L3MBTL2: variants seen among roughly 807,000 people sequenced by gnomAD.
L3MBTL2 encodes the protein lethal(3)malignant brain tumor-like protein 2.
A neutral mutation model predicts 86.4 loss-of-function variants in L3MBTL2; 49 were observed. The ratio of observed to expected loss-of-function variants is 0.57; its 90% CI spans 0.45 to 0.72. The LOEUF is 0.72. L3MBTL2 is among the 30% of genes least tolerant of loss of function. The pLI, the probability that L3MBTL2 is intolerant of heterozygous loss-of-function variation, is 0.00. For missense variants in L3MBTL2, 755 were observed against 923.7 expected (o/e 0.82, Z 2.37); for synonymous variants, 336 against 350.6 (o/e 0.96, Z 0.47).
At chr22:41,214,192 A>C (rs969639708) in intron 3 of L3MBTL2, 166 bp downstream of exon 3, 8 of 647,972 alleles carry the variant, frequency 1.2e-5, no homozygotes, top group Non-Finnish European at 2.1e-5. Flanking sequence ...CCATTTGTGG[A>C]GCTTTTTAAA....
intron 13 of L3MBTL2, 94 bp from the exon 14 acceptor site, chr22:41,226,994 CT>C: frequency 2.7e-6 from 3 of 1,125,628 alleles, no homozygotes; most frequent in Non-Finnish European, 3.8e-6. Flanking sequence ...GTCCCCGCCC[CT>C]CCCTGCCAGT....
Position 41,224,383 on chromosome 22 carries a change from G to C in L3MBTL2, c.1174+132G>C, listed in dbSNP as rs1601529983. ...GGCCCCCCTGCAGTGATGATACTGA[G>C]CTCCAGAGAGCTTGAGTAACTTGAC... On this transcript the variant is annotated intron_variant, in intron 9 of 16. Transcript: ENST00000216237. This position sits in a 1 kb window ranked among gnomAD's most constrained non-coding sequence, Gnocchi z 4.9. 1 of 649,002 alleles carries C rather than the reference G, an allele frequency of 1.5e-6. No individual in the cohort carries two copies. The highest frequency in any genetic ancestry group is 2.7e-5 in the East Asian group (1 of 36,502). 40.2% of individuals were successfully genotyped at this position (649,002 alleles called of 1,614,324 possible).
chr22:41,226,824 C>G, intron 13 of L3MBTL2, 80 bp downstream of exon 13: 2 of 1,056,998 alleles, frequency 1.9e-6, no homozygotes, highest in Non-Finnish European at 2.9e-6. Flanking sequence ...GGTGGCAGTT[C>G]CTACTCTTTC....
At chr22:41,215,904 G>A (rs1796019808) in intron 3 of L3MBTL2, among the ~76,000 whole-genome samples, 1 of 152,204 alleles carries the variant, frequency 6.6e-6, no homozygotes, top group Non-Finnish European at 1.5e-5. Flanking sequence ...GATAGAACAT[G>A]GGTCTCTCCC....
intron 16 of L3MBTL2, 63 bp from the exon 17 acceptor site, chr22:41,230,076 T>TCCC: frequency 3.3e-5 from 30 of 912,372 alleles, no homozygotes; most frequent in Middle Eastern, 2.7e-4. Context: ...TCCCAGCTCC[T>TCCC]CCGCCCCCAC....
intron 1 of L3MBTL2, 56 bp from the exon 2 acceptor site, chr22:41,209,640 C>A (rs912914675): frequency 1.3e-6 from 2 of 1,502,710 alleles, no homozygotes; most frequent in Non-Finnish European, 1.8e-6. Context: ...CTTCTCCCCC[C>A]GTGCACTAAA....
Position 41,225,783 on chromosome 22 carries a change from C to T in L3MBTL2, c.1357-11C>T. ...GATATGATCTGTCTGCCTGCTCCCC[C>T]CACCCCCCAGGTTCTCCTGGATGGA... is the stretch of plus-strand genomic sequence containing the variant. On this transcript the variant is annotated splice_polypyrimidine_tract_variant and intron_variant, in intron 11 of 16. Transcript: ENST00000216237. The surrounding 1 kb of genome is among the most constrained non-coding windows in gnomAD (Gnocchi z 4.1). The T allele has an allele frequency of 6.2e-7, 1 of 1,603,868 alleles. No individual in the cohort carries two copies. Among genetic ancestry groups the T allele is most frequent in the East Asian group, 2.2e-5 (1 of 44,474 alleles).
intron 8 of L3MBTL2, among the ~76,000 whole-genome samples, chr22:41,222,276 G>T (rs1229267705): frequency 6.6e-6 from 1 of 152,136 alleles, no homozygotes; most frequent in Non-Finnish European, 1.5e-5. Flanking sequence ...CTCTAGTCTG[G>T]CAGAGGAAAC....
At chr22:41,226,042 C>T (rs968072588) in intron 12 of L3MBTL2, 101 bp downstream of exon 12, 16 of 1,319,522 alleles carry the variant, frequency 1.2e-5, no homozygotes, top group Non-Finnish European at 1.6e-5. Context: ...TTTGGGAGGC[C>T]GAGGCAGGTG....
chr22:41,223,755 T>C (rs998703713), intron 8 of L3MBTL2, among the ~76,000 whole-genome samples: 1 of 152,238 alleles, frequency 6.6e-6, no homozygotes, highest in Non-Finnish European at 1.5e-5. Flanking sequence ...ATTGGCGTTT[T>C]GGTGGCAAGA....
Position 41,224,790 on chromosome 22 carries a change from CTCT to C in L3MBTL2, c.1243_1245del (p.Phe415del), listed in dbSNP as rs2032069358. 1 of 1,613,502 alleles carries C rather than the reference CTCT, an allele frequency of 6.2e-7. No individual in the cohort carries two copies. Among genetic ancestry groups the C allele is most frequent in the Admixed American group, 1.7e-5 (1 of 59,990 alleles). On this transcript the variant is annotated inframe_deletion, in exon 10 of 17. Transcript: ENST00000216237. The surrounding 1 kb of genome is among the most constrained non-coding windows in gnomAD (Gnocchi z 4.9). ...GATCTACTGTGATGCCGTTCCTTAC[CTCT>C]TCAAGAAGGTGAGGTTCAGCTCTTG...
intron 5 of L3MBTL2, chr22:41,218,568 G>C (rs990056084): frequency 1.3e-5 from 2 of 152,142 alleles, no homozygotes; most frequent in African/African-American, 4.8e-5. Context: ...GTGAGGATTA[G>C]GTACTGGGAA....
chr22:41,211,856 CTTTTTTTTTT>C (rs35869187), intron 2 of L3MBTL2, among the ~76,000 whole-genome samples: 6 of 67,902 alleles, frequency 8.8e-5, no homozygotes, highest in African/African-American at 3.7e-4. Flanking sequence ...CGCACCCGGC[CTTTTTTTTTT>C]TTTTTTTTTT....
At chr22:41,216,894 T>G in intron 4 of L3MBTL2, 1 of 488,350 alleles carries the variant, frequency 2.0e-6, no homozygotes, top group South Asian at 2.8e-5. Flanking sequence ...AATGTTCCTC[T>G]ACTCCTGAGA....
At chr22:41,216,773 C>A (rs185932675) in intron 4 of L3MBTL2, among the ~76,000 whole-genome samples, 4 of 152,228 alleles carry the variant, frequency 2.6e-5, no homozygotes, top group African/African-American at 4.8e-5. Flanking sequence ...CCCCCTCCCC[C>A]ACATTTAGAT....
At position 41,224,004 on chromosome 22, in the gene L3MBTL2, T is replaced by G. The variant is rs375230027; in HGVS notation, c.943-16T>G. The G allele has an allele frequency of 6.2e-7, 1 of 1,608,544 alleles. No individual in the cohort carries two copies. The highest frequency in any genetic ancestry group is 1.1e-5 in the South Asian group (1 of 90,948). ...GCCCTGAGCCATAGCAGGCCTGTGTTCTGACGTCGTTTCAGATGGTGGAGA... is the reference window on the plus strand; with the variant it reads ...GCCCTGAGCCATAGCAGGCCTGTGTGCTGACGTCGTTTCAGATGGTGGAGA... On this transcript the variant is annotated splice_polypyrimidine_tract_variant and intron_variant, in intron 8 of 16. Transcript: ENST00000216237. This position sits in a 1 kb window ranked among gnomAD's most constrained non-coding sequence, Gnocchi z 4.9.
Position 41,227,308 on chromosome 22 carries a change from C to G in L3MBTL2, c.1807C>G (p.Pro603Ala). 6.2e-7 allele frequency: 1 copy of G among 1,601,150 alleles called. No homozygotes were observed. Among genetic ancestry groups the G allele is most frequent in the Non-Finnish European group, 8.5e-7 (1 of 1,174,242 alleles). The change falls in exon 14 of 17, where the codon CCT becomes GCT. Residue 603 changes from proline (P) to alanine (A), a missense_variant. Physicochemically the swap from Pro to Ala is conservative, Grantham distance 27. This residue lies in a region of L3MBTL2 where 634 missense variants were observed against 748.9 expected (regional missense o/e 0.85). Coordinates refer to ENST00000216237, the MANE Select transcript of L3MBTL2 (RefSeq NM_031488.5). The surrounding 1 kb of genome is among the most constrained non-coding windows in gnomAD (Gnocchi z 6.0). ...WCELTGYQLQ[P>A]PVAAEPATPL... ...TGAGCTCACCGGCTACCAGCTCCAGCCTCCTGTGGCCGCAGGTGTGGGCTC... is the reference window on the plus strand; with the variant it reads ...TGAGCTCACCGGCTACCAGCTCCAGGCTCCTGTGGCCGCAGGTGTGGGCTC...
chr22:41,210,037 G>A (rs2030596313), intron 2 of L3MBTL2, 104 bp downstream of exon 2: 1 of 1,466,718 alleles, frequency 6.8e-7, no homozygotes, highest in African/African-American at 1.4e-5. Context: ...GATGTAAAAG[G>A]CTATTAACTC....
intron 1 of L3MBTL2, among the ~76,000 whole-genome samples, chr22:41,206,351 C>T (rs1043377678): frequency 6.6e-6 from 1 of 151,972 alleles, no homozygotes; most frequent in Non-Finnish European, 1.5e-5. Flanking sequence ...TCCTATGTTG[C>T]CCTGGCTGGA....
Sources: gnomAD v4.1 joint callset for allele counts (sites outside exome capture counted in the v4.1 genomes callset) on GRCh38, gnomAD v4.1.1 for gene constraint, gnomAD v4.1.1 regional missense constraint, Gnocchi (gnomAD v3.1) non-coding constraint, MANE v1.5 for transcripts, NCBI Gene and HGNC (gene_info 2026-07-23, HGNC 2026-07-21) for gene names.